CDH13: variants seen among roughly 807,000 people sequenced by gnomAD.
CDH13 encodes the protein cadherin 13.
A neutral mutation model predicts 63.8 loss-of-function variants in CDH13; 24 were observed. The ratio of observed to expected loss-of-function variants is 0.38; its 90% CI spans 0.27 to 0.53. CDH13 has a LOEUF of 0.53. Among genes scored for constraint, CDH13 ranks in the 20% least tolerant of loss-of-function variants. The probability of loss-of-function intolerance (pLI) is 0.85; values close to 1 mark genes in which losing one functional copy is unlikely to be tolerated. For missense variants in CDH13, 1,049 were observed against 903.1 expected (o/e 1.16, Z -2.07); for synonymous variants, 503 against 355.3 (o/e 1.42, Z -4.67).
chr16:82,669,473 G>C (rs1361515513), intron 1 of CDH13, among the ~76,000 whole-genome samples: 2 of 152,188 alleles, frequency 1.3e-5, no homozygotes, highest in Non-Finnish European at 1.5e-5. Context: ...ACACATTCTA[G>C]TACGGACTTA....
chr16:83,285,747 T>C (rs534220299), intron 5 of CDH13, among the ~76,000 whole-genome samples: 1 of 152,214 alleles, frequency 6.6e-6, no homozygotes, highest in South Asian at 2.1e-4. Context: ...GAAACCAATA[T>C]CTGCGGGTAC....
intron 1 of CDH13, among the ~76,000 whole-genome samples, chr16:82,722,545 C>T (rs1191426139): frequency 1.3e-5 from 2 of 152,308 alleles, no homozygotes; most frequent in East Asian, 1.9e-4. Flanking sequence ...GCTAGGGTCA[C>T]ATGGCCAGCT....
rs377234699 is a variant in CDH13, at chr16:82,724,574, A to G, written c.45+97437A>G. Among the ~76,000 whole-genome samples, 16 of 152,312 alleles carry G rather than the reference A, an allele frequency of 1.1e-4. No homozygotes were observed. In the East Asian group the frequency reaches 3.1e-3, roughly 29 times the overall value. ...ATTTATTGGGATGCCCTCAAATGCC[A>G]TGTCTGATGGAGGCATCCCCACCTA... On this transcript the variant is annotated intron_variant, in intron 1 of 13. Transcript: ENST00000567109.
chr16:82,847,680 G>A (rs1473001808), intron 1 of CDH13, among the ~76,000 whole-genome samples: 1 of 152,152 alleles, frequency 6.6e-6, no homozygotes, highest in Non-Finnish European at 1.5e-5. Context: ...AGTAGGGTGA[G>A]GACATCTTTA....
chr16:83,164,753 A>T (rs954582010), intron 4 of CDH13, among the ~76,000 whole-genome samples: 2 of 151,338 alleles, frequency 1.3e-5, no homozygotes, highest in African/African-American at 4.9e-5. Context: ...CGTTTTACTG[A>T]TGATATTTAC....
At chr16:82,828,509 C>T (rs944803228) in intron 1 of CDH13, among the ~76,000 whole-genome samples, 2 of 152,110 alleles carry the variant, frequency 1.3e-5, no homozygotes, top group African/African-American at 2.4e-5. Context: ...CCCACCTAAT[C>T]CCAGCTACTC....
Position 83,798,609 on chromosome 16 carries a change from A to C in CDH13, c.*3579A>C, listed in dbSNP as rs2151026619. On this transcript the variant is annotated 3_prime_UTR_variant, in exon 14 of 14. Transcript: ENST00000567109. ...ACCAAACCTCAGGCTATCTGGCTCC[A>C]GGGTTCATGTTCTTCCGACAACATC... 1 of 152,320 alleles carries C rather than the reference A, an allele frequency of 6.6e-6. No individual in the cohort carries two copies. The highest frequency in any genetic ancestry group is 1.5e-5 in the Non-Finnish European group (1 of 68,030). The allele number at this position is 152,320 out of a possible 1,614,324, so 9.4% of individuals were successfully genotyped here.
chr16:83,007,916 C>G (rs967315819), intron 2 of CDH13, among the ~76,000 whole-genome samples: 1 of 151,968 alleles, frequency 6.6e-6, no homozygotes, highest in East Asian at 1.9e-4. Flanking sequence ...TATACTTGGC[C>G]AAACAACATT....
chr16:83,140,833 T>G (rs935394984), intron 4 of CDH13, among the ~76,000 whole-genome samples: 11 of 152,194 alleles, frequency 7.2e-5, no homozygotes, highest in African/African-American at 2.7e-4. Flanking sequence ...CTTACCCTTG[T>G]TTCTCCCTCC....
chr16:83,102,546 A>G (rs895305968), intron 3 of CDH13, among the ~76,000 whole-genome samples: 8 of 152,096 alleles, frequency 5.3e-5, no homozygotes, highest in Non-Finnish European at 8.8e-5. Context: ...CGGAACAAGG[A>G]CACTGGCTTC....
At position 82,888,044 on chromosome 16, in the gene CDH13, A is replaced by G. The variant is rs550463508; in HGVS notation, c.157+29571A>G. Among the ~76,000 whole-genome samples the G allele has an allele frequency of 1.6e-4, 25 of 152,096 alleles. No individual in the cohort carries two copies. In the South Asian group the frequency reaches 4.4e-3, roughly 27 times the overall value. ...CCAAAGGGCTGTATGTCAGGTATTT[A>G]CTTGCTCATCTTGGTGGGTTTTGTT... On this transcript the variant is annotated intron_variant, in intron 2 of 13. Transcript: ENST00000567109.
chr16:83,742,903 G>A (rs1448392191), intron 10 of CDH13, among the ~76,000 whole-genome samples: 8 of 152,180 alleles, frequency 5.3e-5, no homozygotes, highest in African/African-American at 7.2e-5. Flanking sequence ...ATGGGAGGAG[G>A]CACCAAACAA....
At chr16:83,183,196 C>T (rs1013568731) in intron 4 of CDH13, among the ~76,000 whole-genome samples, 4 of 152,102 alleles carry the variant, frequency 2.6e-5, no homozygotes, top group African/African-American at 9.7e-5. Flanking sequence ...AATTTTTAGT[C>T]GTTTGAGTGG....
chr16:83,734,497 C>T (rs1911341470), intron 10 of CDH13, among the ~76,000 whole-genome samples: 1 of 151,676 alleles, frequency 6.6e-6, no homozygotes, highest in African/African-American at 2.4e-5. Context: ...AAACCAAACA[C>T]CGCATGTTCT....
At chr16:83,462,193 G>A (rs1030987310) in intron 6 of CDH13, among the ~76,000 whole-genome samples, 1 of 152,228 alleles carries the variant, frequency 6.6e-6, no homozygotes, top group Non-Finnish European at 1.5e-5. Context: ...AGCCCCTGCA[G>A]GCAAACCTGT....
chr16:82,705,073 G>A (rs1038522523), intron 1 of CDH13: 17 of 450,962 alleles, frequency 3.8e-5, no homozygotes, highest in African/African-American at 1.8e-4. Context: ...CACCAGTGAG[G>A]CCTACCATAT....
intron 1 of CDH13, among the ~76,000 whole-genome samples, chr16:82,663,077 AG>A (rs1465888682): frequency 6.6e-6 from 1 of 152,248 alleles, no homozygotes; most frequent in Admixed American, 6.5e-5. Flanking sequence ...TCCCCCTGCC[AG>A]GGCAAGAAAA....
intron 3 of CDH13, among the ~76,000 whole-genome samples, chr16:83,070,663 C>T (rs113175019): frequency 3.0e-4 from 45 of 152,176 alleles, no homozygotes; most frequent in South Asian, 2.5e-3. Flanking sequence ...AATGCTGAGA[C>T]GCCCAAGAAG....
intron 1 of CDH13, among the ~76,000 whole-genome samples, chr16:82,718,479 A>T (rs9924205): frequency 0.1 from 15,474 of 152,180 alleles, 902 homozygotes; most frequent in East Asian, 0.26. Context: ...GGTGAAGAAG[A>T]AGGAGAAAGT....
Sources: gnomAD v4.1 joint callset for allele counts (sites outside exome capture counted in the v4.1 genomes callset) on GRCh38, gnomAD v4.1.1 for gene constraint, MANE v1.5 for transcripts, NCBI Gene and HGNC (gene_info 2026-07-23, HGNC 2026-07-21) for gene names.